The following PSMA1 variants were observed in gnomAD, a reference collection of about 807,000 sequenced individuals.
PSMA1 encodes the protein proteasome 20S subunit alpha 1, also known as proteasome subunit alpha type-1.
In PSMA1, 3 loss-of-function variants were observed where a neutral mutation model predicts 38.4. The observed-to-expected ratio is 0.08, with a 90% confidence interval of 0.04 to 0.20. PSMA1 has a LOEUF of 0.20. Ranked by LOEUF, PSMA1 falls within the 10% of genes least tolerant of loss-of-function variation. PSMA1 has a pLI of 1.00. For synonymous variants in PSMA1, 101 were observed against 107.1 expected (o/e 0.94, Z 0.35); for missense variants, 227 against 325.3 (o/e 0.70, Z 2.32).
At chr11:14,509,494 GT>G (rs767257317) in intron 8 of PSMA1, among the ~76,000 whole-genome samples, 4,866 of 139,098 alleles carry the variant, frequency 0.035, 106 homozygotes, top group Non-Finnish European at 0.053. Context: ...CCTACAATCT[GT>G]TTTTTTTTTT....
At chr11:14,550,059 A>G (rs747278888) in intron 2 of PSMA1, among the ~76,000 whole-genome samples, 1 of 152,188 alleles carries the variant, frequency 6.6e-6, no homozygotes, top group Non-Finnish European at 1.5e-5. Context: ...ATTATTTGTA[A>G]TCATGCTGAG....
chr11:14,621,861 T>C lies in PSMA1; in HGVS notation c.-165-10710A>G, dbSNP rs190953036. Among the ~76,000 whole-genome samples, 168 of 152,324 alleles carry C rather than the reference T, an allele frequency of 1.1e-3. 1 individual carries two copies. The highest frequency in any genetic ancestry group is 2.2e-3 in the Non-Finnish European group (149 of 68,030). On this transcript the variant is annotated intron_variant, in intron 1 of 10. Transcript: ENST00000418988. The stretch of plus-strand genomic sequence containing the variant: ...TCATATCTGATGGTTCTCTGCGGCC[T>C]GGAAAAATACAATTGATAAGATTTA...
chr11:14,584,277 G>C (rs987419891), intron 2 of PSMA1, among the ~76,000 whole-genome samples: 1 of 152,146 alleles, frequency 6.6e-6, no homozygotes, highest in South Asian at 2.1e-4. Context: ...TTATACATAT[G>C]TGAATTTTCC....
intron 1 of PSMA1, among the ~76,000 whole-genome samples, chr11:14,620,200 A>G (rs1328166459): frequency 6.6e-6 from 1 of 152,224 alleles, no homozygotes; most frequent in Non-Finnish European, 1.5e-5. Flanking sequence ...GATTTCCTCT[A>G]TAACTAATAT....
At chr11:14,588,652 T>A (rs553510690) in intron 2 of PSMA1, among the ~76,000 whole-genome samples, 2 of 152,332 alleles carry the variant, frequency 1.3e-5, no homozygotes, top group South Asian at 2.1e-4. Context: ...CATTTCTCCA[T>A]CTGTTTAGCA....
At chr11:14,627,445 A>G (rs1852927078) in intron 1 of PSMA1, among the ~76,000 whole-genome samples, 1 of 152,194 alleles carries the variant, frequency 6.6e-6, no homozygotes, top group Admixed American at 6.5e-5. Flanking sequence ...TCATCTGGGT[A>G]AAAGTTATCT....
At chr11:14,611,006 C>G in exon 2 of PSMA1, 1 of 1,611,796 alleles carries the variant, frequency 6.2e-7, no homozygotes, top group South Asian at 1.1e-5. Context: ...AGGAGACAGT[C>G]ACCTAGTAGA....
At chr11:14,562,143 G>T (rs1473587761) in intron 2 of PSMA1, among the ~76,000 whole-genome samples, 1 of 152,228 alleles carries the variant, frequency 6.6e-6, no homozygotes, top group East Asian at 1.9e-4. Context: ...CAGGGCCTGA[G>T]ACTGTGGGAG....
At chr11:14,640,004 C>T (rs990248125) in intron 1 of PSMA1, among the ~76,000 whole-genome samples, 4 of 152,164 alleles carry the variant, frequency 2.6e-5, no homozygotes, top group African/African-American at 9.7e-5. Context: ...GACTAAGGAA[C>T]CACATCTTCA....
At chr11:14,536,642 CGCTCTGTCGCCCAG>C (rs1319032270) in intron 2 of PSMA1, among the ~76,000 whole-genome samples, 1 of 151,984 alleles carries the variant, frequency 6.6e-6, no homozygotes, top group Admixed American at 6.5e-5. Flanking sequence ...GACGGAGTCT[CGCTCTGTCGCCCAG>C]GCTGGAGTGC....
intron 2 of PSMA1, among the ~76,000 whole-genome samples, chr11:14,602,326 C>T (rs1044393640): frequency 6.6e-6 from 1 of 152,164 alleles, no homozygotes; most frequent in Non-Finnish European, 1.5e-5. Flanking sequence ...AAAACTGTCT[C>T]ATTTATCACC....
chr11:14,631,376 C>G (rs542828212), intron 1 of PSMA1, among the ~76,000 whole-genome samples: 1 of 151,984 alleles, frequency 6.6e-6, no homozygotes, highest in South Asian at 2.1e-4. Context: ...TCTTTGTTCT[C>G]GTTGGTTTCA....
rs1464584296 is a variant in PSMA1, at chr11:14,504,922, CAA to C, written c.*268_*269del. ...TATTTCACAGTTGTCTTTAAAACCA[CAA>C]AGACACCTATGTTCTTCATATAAAA... is the stretch of plus-strand genomic sequence containing the variant. On this transcript the variant is annotated 3_prime_UTR_variant, in exon 10 of 10. Coordinates refer to ENST00000396394, the MANE Select transcript of PSMA1 (RefSeq NM_002786.4). 9.0e-6 allele frequency: 3 copies of C among 334,176 alleles called. No homozygotes were observed. The highest frequency in any genetic ancestry group is 1.6e-5 in the Non-Finnish European group (3 of 183,784). 20.7% of individuals were successfully genotyped at this position (334,176 alleles called of 1,614,324 possible). A position where few individuals can be genotyped will look rare whatever the true frequency, so the allele number is the denominator to read the frequency against.
intron 2 of PSMA1, among the ~76,000 whole-genome samples, chr11:14,532,150 TAA>T (rs936144408): frequency 2.6e-5 from 4 of 152,114 alleles, no homozygotes; most frequent in Non-Finnish European, 4.4e-5. Context: ...TTTTTGACAT[TAA>T]GTTTGTATTA....
intron 2 of PSMA1, among the ~76,000 whole-genome samples, chr11:14,596,701 T>C (rs1363244714): frequency 6.6e-6 from 1 of 152,204 alleles, no homozygotes; most frequent in Non-Finnish European, 1.5e-5. Context: ...CAGGTACAAT[T>C]TGACTTCCTC....
In PSMA1 at chr11:14,513,568, A is replaced by T; in HGVS notation, c.544+2T>A. On this transcript the variant is annotated splice_donor_variant, in intron 7 of 9. Coordinates refer to ENST00000396394, the MANE Select transcript of PSMA1 (RefSeq NM_002786.4). LOFTEE classifies it high-confidence loss of function. ...AAAAAAAAAAGCAAGGCTGTCACTT[A>T]CACTCCATAAATTCAGACATATGTC... 1 of 1,513,052 alleles carries T rather than the reference A, an allele frequency of 6.6e-7. No individual in the cohort carries two copies. Among genetic ancestry groups the T allele is most frequent in the South Asian group, 1.4e-5 (1 of 72,314 alleles). 93.7% of individuals were successfully genotyped at this position (1,513,052 alleles called of 1,614,324 possible). A position where few individuals can be genotyped will look rare whatever the true frequency, so the allele number is the denominator to read the frequency against.
rs193014992 is a variant in PSMA1 at position 14,617,389 on chromosome 11, T to C, written c.-165-6238A>G. Among the ~76,000 whole-genome samples the C allele has an allele frequency of 6.6e-5, 10 of 152,326 alleles. No homozygotes were observed. The East Asian group carries it at 1.9e-3, about 29-fold the overall frequency. On this transcript the variant is annotated intron_variant, in intron 1 of 10. Coordinates refer to the PSMA1 transcript ENST00000418988. ...TAATCATTTGCTTGTCTGTTTCTACTTCCCCCTTCCTTCCTCAACCATGTG... is the reference window on the plus strand; with the variant it reads ...TAATCATTTGCTTGTCTGTTTCTACCTCCCCCTTCCTTCCTCAACCATGTG...
chr11:14,556,035 G>C (rs542679810), intron 2 of PSMA1, among the ~76,000 whole-genome samples: 2 of 152,284 alleles, frequency 1.3e-5, no homozygotes, highest in South Asian at 4.2e-4. Context: ...GGTTGTTGCT[G>C]TCCAGGGCAG....
intron 1 of PSMA1, among the ~76,000 whole-genome samples, chr11:14,640,098 G>T (rs990159004): frequency 1.3e-5 from 2 of 152,148 alleles, no homozygotes; most frequent in African/African-American, 4.8e-5. Flanking sequence ...TTCATTAATG[G>T]AGATAGATTA....
Sources: allele counts gnomAD v4.1 joint callset (sites outside exome capture counted in the v4.1 genomes callset), GRCh38; gene constraint gnomAD v4.1.1; transcripts MANE v1.5; gene names NCBI Gene and HGNC (gene_info 2026-07-23, HGNC 2026-07-21).